The following PRIM2 variants were observed in gnomAD, a reference collection of about 807,000 sequenced individuals.
PRIM2 encodes DNA primase subunit 2.
PRIM2 carries 39 observed loss-of-function variants against 67.3 expected under a neutral mutation model. The ratio of observed to expected loss-of-function variants is 0.58; its 90% CI spans 0.45 to 0.76. The LOEUF is 0.76. Among genes scored for constraint, PRIM2 ranks in the 30% least tolerant of loss-of-function variants. The probability of loss-of-function intolerance (pLI) is 0.00; values close to 1 mark genes in which losing one functional copy is unlikely to be tolerated. For synonymous variants in PRIM2, 143 were observed against 198.7 expected, an observed-to-expected ratio of 0.72 and a Z score of 2.36; for missense variants, 398 against 598.7, an observed-to-expected ratio of 0.66 and a Z score of 3.50.
At chr6:57,346,532 C>G (rs1308219931) in intron 5 of PRIM2, among the ~76,000 whole-genome samples, 1 of 152,110 alleles carries the variant, frequency 6.6e-6, no homozygotes, top group African/African-American at 2.4e-5. Context: ...ATTGGTCAGG[C>G]TGGTCTTGAA....
At chr6:57,433,070 A>C (rs1771886476) in intron 7 of PRIM2, among the ~76,000 whole-genome samples, 1 of 152,200 alleles carries the variant, frequency 6.6e-6, no homozygotes, top group African/African-American at 2.4e-5. Flanking sequence ...ATTGGAACAC[A>C]GTCATGCCTA....
chr6:57,324,305 A>G, intron 4 of PRIM2, 25 bp downstream of exon 4: 1 of 1,422,812 alleles, frequency 7.0e-7, no homozygotes, highest in Non-Finnish European at 9.8e-7. Flanking sequence ...ATATTCTCAC[A>G]GTCAAATCTG....
intron 5 of PRIM2, among the ~76,000 whole-genome samples, chr6:57,334,907 C>T (rs1434127778): frequency 2.6e-5 from 4 of 152,108 alleles, no homozygotes; most frequent in Admixed American, 1.3e-4. Context: ...CCAGCGTGAG[C>T]GACACAGAAG....
rs1374411907 is a variant in PRIM2 at position 57,473,453 on chromosome 6, T to A, written c.694-33934T>A. 5.3e-5 allele frequency among the ~76,000 whole-genome samples: 8 copies of A among 152,262 alleles called. No homozygotes were observed. In the South Asian group the frequency reaches 6.2e-4, roughly 12 times the overall value. ...TTAGATTAACCTGGAAAACTTTTTT[T>A]AAAAAGTGCTCTGTTTTCACCCCAG... On this transcript the variant is annotated intron_variant, in intron 7 of 13. Coordinates refer to ENST00000615550, the MANE Select transcript of PRIM2 (RefSeq NM_000947.5).
At chr6:57,377,093 T>C (rs1223705831) in intron 5 of PRIM2, among the ~76,000 whole-genome samples, 2 of 151,664 alleles carry the variant, frequency 1.3e-5, no homozygotes, top group African/African-American at 4.8e-5. Context: ...TTTCACCATG[T>C]TGGCCAGGCT....
At chr6:57,477,711 G>A (rs1773508967) in intron 7 of PRIM2, among the ~76,000 whole-genome samples, 1 of 152,164 alleles carries the variant, frequency 6.6e-6, no homozygotes, top group South Asian at 2.1e-4. Flanking sequence ...TTTAAGGGTA[G>A]ACTGGTAGAC....
chr6:57,557,270 G>T (rs1318688067), intron 10 of PRIM2, among the ~76,000 whole-genome samples: 1 of 146,896 alleles, frequency 6.8e-6, no homozygotes, highest in Non-Finnish European at 1.5e-5. Flanking sequence ...TGCTATTACC[G>T]AGTATAAGAG....
intron 7 of PRIM2, among the ~76,000 whole-genome samples, chr6:57,408,833 C>A (rs1327812835): frequency 6.6e-6 from 1 of 151,770 alleles, no homozygotes; most frequent in Admixed American, 6.6e-5. Flanking sequence ...GCCTCAACCT[C>A]CCAAGTAGCT....
chr6:57,269,460 T>C, the PRIM2 span, among the ~76,000 whole-genome samples: 1 of 152,162 alleles, frequency 6.6e-6, no homozygotes, highest in Admixed American at 6.5e-5. Flanking sequence ...TCATGTCCTT[T>C]GCCCACTTTT....
At chr6:57,427,669 T>A (rs1487539905) in intron 7 of PRIM2, among the ~76,000 whole-genome samples, 1 of 152,174 alleles carries the variant, frequency 6.6e-6, no homozygotes, top group African/African-American at 2.4e-5. Context: ...TCAATGTCAT[T>A]TGTATTATAG....
At chr6:57,472,820 C>A (rs1195361503) in intron 7 of PRIM2, among the ~76,000 whole-genome samples, 10 of 152,250 alleles carry the variant, frequency 6.6e-5, no homozygotes, top group South Asian at 2.1e-4. Context: ...TAAAAACATT[C>A]TTTTAAAAGT....
At chr6:57,376,805 T>C (rs1479287643) in intron 5 of PRIM2, among the ~76,000 whole-genome samples, 1 of 152,244 alleles carries the variant, frequency 6.6e-6, no homozygotes, top group Non-Finnish European at 1.5e-5. Flanking sequence ...GTTTTAATTC[T>C]GTTGTAAATT....
At chr6:57,226,460 G>C in the PRIM2 span, among the ~76,000 whole-genome samples, 1 of 152,218 alleles carries the variant, frequency 6.6e-6, no homozygotes, top group African/African-American at 2.4e-5. Flanking sequence ...ATAATTGAAA[G>C]GGAGCCAGTG....
chr6:57,480,408 TA>T (rs1250445082), intron 7 of PRIM2, among the ~76,000 whole-genome samples: 2 of 151,678 alleles, frequency 1.3e-5, no homozygotes, highest in Non-Finnish European at 2.9e-5. Context: ...TTAGGTATAA[TA>T]AAAAAAACTA....
intron 5 of PRIM2, among the ~76,000 whole-genome samples, chr6:57,330,556 T>C (rs1009280635): frequency 1.3e-5 from 2 of 152,010 alleles, no homozygotes; most frequent in Non-Finnish European, 2.9e-5. Context: ...GGATTCATTA[T>C]GAGATTATGT....
chr6:57,646,021 C>A lies in PRIM2; in HGVS notation c.1393C>A (p.Pro465Thr), dbSNP rs1419333837. 9 of 1,540,276 alleles carry A rather than the reference C, an allele frequency of 5.8e-6. No homozygotes were observed. Among genetic ancestry groups the A allele is most frequent in the African/African-American group, 2.7e-5 (2 of 72,972 alleles). Residue 465 changes from proline (P) to threonine (T), a missense_variant, in exon 14 of 14, where the codon CCT becomes ACT. This residue lies in a region of PRIM2 where 72 missense variants were observed against 89.4 expected (regional missense o/e 0.81). Coordinates refer to ENST00000615550, the MANE Select transcript of PRIM2 (RefSeq NM_000947.5). ...TGGTGGTAAAGACATAAAGAAGGAA[C>A]CTATCCAACCAGAAACTCCTCAACC... ...LNGGKDIKKE[P>T]IQPETPQPKP...
the PRIM2 span, among the ~76,000 whole-genome samples, chr6:57,290,207 A>G: frequency 6.6e-6 from 1 of 152,204 alleles, no homozygotes; most frequent in Admixed American, 6.5e-5. Context: ...AGTCTCTGAT[A>G]AAACAGACTT....
chr6:57,537,099 G>T (rs1775017042), intron 9 of PRIM2, among the ~76,000 whole-genome samples: 1 of 152,062 alleles, frequency 6.6e-6, no homozygotes, highest in Admixed American at 6.6e-5. Flanking sequence ...TTGGATATAT[G>T]CTATCTCTTT....
chr6:57,645,367 A>G (rs1329097457), intron 13 of PRIM2, among the ~76,000 whole-genome samples: 1 of 139,066 alleles, frequency 7.2e-6, no homozygotes, highest in Non-Finnish European at 1.6e-5. Flanking sequence ...ACACACACAC[A>G]CACATTTGTA....
Sources: allele counts gnomAD v4.1 joint callset (sites outside exome capture counted in the v4.1 genomes callset), GRCh38; gene constraint gnomAD v4.1.1; regional missense constraint gnomAD v4.1.1; transcripts MANE v1.5; gene names NCBI Gene and HGNC (gene_info 2026-07-23, HGNC 2026-07-21).